The following ZNF581 variants were observed in gnomAD, a reference collection of about 807,000 sequenced individuals.
ZNF581 encodes zinc finger protein 581.
A neutral mutation model predicts 1.2 loss-of-function variants in ZNF581; 1 was observed. The observed-to-expected ratio is 0.83, with a 90% CI of 0.30 to 3.95. The LOEUF is 3.95. ZNF581 is among the 30% of genes most tolerant of loss of function. The pLI, the probability that ZNF581 is intolerant of heterozygous loss-of-function variation, is 0.18. For missense variants in ZNF581, 273 were observed against 274.6 expected, an observed-to-expected ratio of 0.99 and a Z score of 0.04; for synonymous variants, 105 against 109.2, an observed-to-expected ratio of 0.96 and a Z score of 0.24.
intron 1 of ZNF581, chr19:55,635,852 A>T (rs899858657): frequency 1.4e-4 from 50 of 349,898 alleles, no homozygotes; most frequent in African/African-American, 1.1e-3. Context: ...TATAGGTGAC[A>T]CCTAGCCAAC....
upstream of ZNF581, chr19:55,643,188 T>G: frequency 8.5e-7 from 1 of 1,180,696 alleles, no homozygotes; most frequent in Non-Finnish European, 1.1e-6. Flanking sequence ...CATCATTCCT[T>G]CCTTACCCCC....
upstream of ZNF581, chr19:55,640,833 C>T (rs545697230): frequency 1.7e-5 from 17 of 985,522 alleles, no homozygotes; most frequent in South Asian, 4.2e-4. Flanking sequence ...GCGGCGGAAT[C>T]GTTCCGTTCG....
chr19:55,644,692 T>A lies in ZNF581; in HGVS notation c.121T>A (p.Ser41Thr). ...ACCTGGACCTTCCTCCTCCATCGGA[T>A]CTCCCCAGGCTTCATCTCCTCCAAG... ...PEPGPSSSIGSPQASSPPRPN... is the reference protein window; with the variant it reads ...PEPGPSSSIGTPQASSPPRPN... The change falls in exon 2 of 2, where the codon TCT (serine) becomes ACT (threonine). Residue 41 changes from serine to threonine, a missense_variant. Physicochemically the swap from Ser to Thr is moderately conservative, Grantham distance 58 (BLOSUM62 1). Coordinates refer to ENST00000270451, the MANE Select transcript of ZNF581 (RefSeq NM_016535.4). This position sits in a 1 kb window ranked among gnomAD's most constrained non-coding sequence, Gnocchi z 4.3. The A allele has an allele frequency of 6.2e-7, 1 of 1,613,596 alleles. No homozygotes were observed. The highest frequency in any genetic ancestry group is 8.5e-7 in the Non-Finnish European group (1 of 1,179,804).
upstream of ZNF581, among the ~76,000 whole-genome samples, chr19:55,641,608 C>T (rs1982485407): frequency 1.3e-5 from 2 of 151,458 alleles, no homozygotes; most frequent in South Asian, 4.2e-4. Flanking sequence ...AGCGGAGTCC[C>T]GGAGCCTGGT....
upstream of ZNF581, chr19:55,642,022 G>T (rs866871431): frequency 1.6e-5 from 16 of 984,962 alleles, no homozygotes; most frequent in Admixed American, 1.2e-4. Flanking sequence ...GGGGCCGGTG[G>T]GGGGGTAGGG....
upstream of ZNF581, chr19:55,642,870 C>A (rs1263600949): frequency 1.3e-6 from 2 of 1,566,840 alleles, no homozygotes; most frequent in Admixed American, 1.8e-5. Context: ...AAGCCCTTCA[C>A]GTGCGGCGCC....
chr19:55,635,550 G>A, exon 1 of ZNF581: 1 of 500,132 alleles, frequency 2.0e-6, no homozygotes, highest in Non-Finnish European at 2.6e-6. Context: ...GAGTGCATCT[G>A]ATTGCCAGCC....
upstream of ZNF581, chr19:55,642,519 TGCC>T: frequency 2.8e-6 from 4 of 1,440,406 alleles, no homozygotes; most frequent in Admixed American, 2.8e-5. Flanking sequence ...ATGCTGCTGC[TGCC>T]GCCGCGGCCA....
At chr19:55,640,662 C>T (rs1982399372), upstream of ZNF581, 2 of 985,472 alleles carry the variant, frequency 2.0e-6, no homozygotes, top group South Asian at 4.7e-5. Flanking sequence ...TCCACATTTG[C>T]TCAGCCGGCA....
upstream of ZNF581, chr19:55,642,835 C>T (rs1459859703): frequency 7.0e-6 from 11 of 1,574,710 alleles, no homozygotes; most frequent in Non-Finnish European, 9.4e-6. Flanking sequence ...GGCTGCAGAG[C>T]CACCGCGTGT....
chr19:55,640,903 C>CG, upstream of ZNF581: 1 of 985,264 alleles, frequency 1.0e-6, no homozygotes, highest in Non-Finnish European at 1.2e-6. Context: ...CCCACGCCTC[C>CG]GGTCCCCTCC....
In ZNF581 at chr19:55,645,192, C is replaced by CA. The variant is rs748116981; in HGVS notation, c.*28dup. On this transcript the variant is annotated 3_prime_UTR_variant, in exon 2 of 2. Coordinates refer to ENST00000270451, the MANE Select transcript of ZNF581 (RefSeq NM_016535.4). ...CCGGGCTGCCGGGTGCCCCAGGTAC[C>CA]ACAGGACTTTGCAGGGAGCCTGGAC... 4 of 1,506,856 alleles carry CA rather than the reference C, an allele frequency of 2.7e-6. No homozygotes were observed. The highest frequency in any genetic ancestry group is 3.6e-6 in the Non-Finnish European group (4 of 1,125,440). 93.3% of individuals were successfully genotyped at this position (1,506,856 alleles called of 1,614,324 possible).
Position 55,645,179 on chromosome 19 carries a change from G to A in ZNF581, c.*14G>A. 9.3e-6 allele frequency: 14 copies of A among 1,511,184 alleles called. No individual in the cohort carries two copies. Among genetic ancestry groups the A allele is most frequent in the Non-Finnish European group, 1.2e-5 (14 of 1,127,858 alleles). The allele number at this position is 1,511,184 out of a possible 1,614,324, so 93.6% of individuals were successfully genotyped here. ...AAGCATCCATGAGCCGGGCTGCCGG[G>A]TGCCCCAGGTACCACAGGACTTTGC... On this transcript the variant is annotated 3_prime_UTR_variant, in exon 2 of 2. Coordinates refer to ENST00000270451, the MANE Select transcript of ZNF581 (RefSeq NM_016535.4).
chr19:55,642,968 C>T (rs1982623001), upstream of ZNF581: 1 of 1,402,868 alleles, frequency 7.1e-7, no homozygotes, highest in Non-Finnish European at 9.2e-7. Context: ...CACCTGCCCG[C>T]TCTGCCCACG....
chr19:55,639,801 G>A (rs56250101), upstream of ZNF581, among the ~76,000 whole-genome samples: 2,185 of 152,250 alleles, frequency 0.014, 58 homozygotes, highest in African/African-American at 0.05. Context: ...ACTTTTAGTA[G>A]AGAAGGAGTT....
At chr19:55,640,361 C>A, upstream of ZNF581, 1 of 985,476 alleles carries the variant, frequency 1.0e-6, no homozygotes, top group African/African-American at 1.7e-5. Flanking sequence ...TTCCAGTGGG[C>A]CCCGTGGGCA....
In ZNF581 at chr19:55,644,815, G is replaced by C. The variant is rs774867451; in HGVS notation, c.244G>C (p.Gly82Arg). Reference sequence around the variant, plus strand: ...GGAGCCAGGGGCCAGTGGGGCTCCAGGCCAGAAAAAGTGCTACAGCTGCCC... The same window carrying C: ...GGAGCCAGGGGCCAGTGGGGCTCCACGCCAGAAAAAGTGCTACAGCTGCCC... ...QREPGASGAP[G>R]QKKCYSCPVC... The change falls in exon 2 of 2, where the codon GGC (glycine) becomes CGC (arginine). Residue 82 changes from glycine to arginine, a missense_variant. Gly to Arg is a moderately radical substitution (Grantham distance 125). Transcript: ENST00000270451. The surrounding 1 kb of genome is among the most constrained non-coding windows in gnomAD (Gnocchi z 4.3). The C allele has an allele frequency of 1.9e-6, 3 of 1,612,526 alleles. No individual in the cohort carries two copies. The highest frequency in any genetic ancestry group is 2.5e-6 in the Non-Finnish European group (3 of 1,178,648).
In ZNF581 at chr19:55,644,476, G is replaced by T; in HGVS notation, c.-19-77G>T. 1 of 929,012 alleles carries T rather than the reference G, an allele frequency of 1.1e-6. No homozygotes were observed. Among genetic ancestry groups the T allele is most frequent in the South Asian group, 1.7e-5 (1 of 58,256 alleles). 57.5% of individuals were successfully genotyped at this position (929,012 alleles called of 1,614,324 possible). A position where few individuals can be genotyped will look rare whatever the true frequency, so the allele number is the denominator to read the frequency against. On this transcript the variant is annotated intron_variant, in intron 1 of 1. Coordinates refer to ENST00000270451, the MANE Select transcript of ZNF581 (RefSeq NM_016535.4). This position sits in a 1 kb window ranked among gnomAD's most constrained non-coding sequence, Gnocchi z 4.3. Reference sequence around the variant, plus strand: ...GCAGAGGTCCTGGGCCGGGTATAGGGAGGGAAAAGGATGGAGCCTGTGGTG... The same window carrying T: ...GCAGAGGTCCTGGGCCGGGTATAGGTAGGGAAAAGGATGGAGCCTGTGGTG...
rs757734783 is a variant in ZNF581, at chr19:55,645,215, G to T, written c.*50G>T. On this transcript the variant is annotated 3_prime_UTR_variant, in exon 2 of 2. Transcript: ENST00000270451. ...ACCACAGGACTTTGCAGGGAGCCTG[G>T]ACTCCTGTCCAGACACCTGGTGAGA... is the stretch of plus-strand genomic sequence containing the variant. The T allele has an allele frequency of 6.8e-7, 1 of 1,473,348 alleles. No homozygotes were observed. Among genetic ancestry groups the T allele is most frequent in the Admixed American group, 2.3e-5 (1 of 42,750 alleles). 91.3% of individuals were successfully genotyped at this position (1,473,348 alleles called of 1,614,324 possible).
Sources: allele counts gnomAD v4.1 joint callset (sites outside exome capture counted in the v4.1 genomes callset), GRCh38; gene constraint gnomAD v4.1.1; non-coding constraint Gnocchi (gnomAD v3.1); transcripts MANE v1.5; gene names NCBI Gene and HGNC (gene_info 2026-07-23, HGNC 2026-07-21).